NTN1: variants seen among roughly 807,000 people sequenced by gnomAD.
NTN1 encodes the protein netrin-1.
NTN1 carries 11 observed loss-of-function variants against 54.2 expected under a neutral mutation model. The observed-to-expected ratio is 0.20, with a 90% CI of 0.13 to 0.34. NTN1 has a LOEUF of 0.34. Ranked by LOEUF, NTN1 falls within the 10% of genes least tolerant of loss-of-function variation. The pLI is 1.00. For synonymous variants in NTN1, 371 were observed against 382.0 expected, an observed-to-expected ratio of 0.97 and a Z score of 0.33; for missense variants, 740 against 893.1, an observed-to-expected ratio of 0.83 and a Z score of 2.18.
chr17:9,178,326 C>A (rs1350917500), intron 3 of NTN1, among the ~76,000 whole-genome samples: 1 of 152,354 alleles, frequency 6.6e-6, no homozygotes, highest in Non-Finnish European at 1.5e-5. Flanking sequence ...TGCCCCCACC[C>A]TCCTCCCACC....
chr17:9,056,353 G>T (rs1214965512), intron 2 of NTN1, among the ~76,000 whole-genome samples: 1 of 152,196 alleles, frequency 6.6e-6, no homozygotes, highest in Non-Finnish European at 1.5e-5. Flanking sequence ...CACTGTGCCC[G>T]GCTGAGTGCC....
At chr17:9,049,255 A>G (rs1168997718) in intron 2 of NTN1, among the ~76,000 whole-genome samples, 1 of 152,264 alleles carries the variant, frequency 6.6e-6, no homozygotes, top group African/African-American at 2.4e-5. Flanking sequence ...ATATGATGAA[A>G]AATAGAATAT....
chr17:9,172,427 C>G (rs144460277), intron 3 of NTN1, among the ~76,000 whole-genome samples: 1 of 151,876 alleles, frequency 6.6e-6, no homozygotes, highest in South Asian at 2.1e-4. Context: ...TGCAGTGAGC[C>G]GAGATCACAC....
chr17:9,230,832 C>G lies in NTN1; in HGVS notation c.1487-8808C>G, dbSNP rs565032718. 3.6e-4 allele frequency among the ~76,000 whole-genome samples: 55 copies of G among 152,242 alleles called. No homozygotes were observed. In the South Asian group the frequency reaches 0.01, roughly 28 times the overall value. On this transcript the variant is annotated intron_variant, in intron 6 of 6. Transcript: ENST00000173229. ...CCCTGGAGCTTCCTCTTGTCTCTCC[C>G]GATGCTGTTTTCCTCTCCTCTGAGC...
chr17:9,200,928 G>A (rs1904764347), intron 5 of NTN1, among the ~76,000 whole-genome samples: 1 of 152,184 alleles, frequency 6.6e-6, no homozygotes, highest in Non-Finnish European at 1.5e-5. Flanking sequence ...GCGTCACTAA[G>A]AGACTGCTAA....
chr17:9,175,542 TGTTAA>T (rs1381815190), intron 3 of NTN1: 1 of 152,254 alleles, frequency 6.6e-6, no homozygotes, highest in Non-Finnish European at 1.5e-5. Flanking sequence ...AACCTTAGCC[TGTTAA>T]GTTGTAAGTC....
intron 2 of NTN1, among the ~76,000 whole-genome samples, chr17:9,066,457 T>C (rs572058242): frequency 8.6e-5 from 13 of 151,184 alleles, no homozygotes; most frequent in African/African-American, 2.7e-4. Flanking sequence ...TGAAACCCTG[T>C]CTCTACTAAA....
intron 2 of NTN1, among the ~76,000 whole-genome samples, chr17:9,044,218 T>C (rs2091933252): frequency 7.4e-6 from 1 of 134,680 alleles, no homozygotes; most frequent in South Asian, 2.6e-4. Context: ...TCCAATTTTT[T>C]TTGCTGTTTC....
intron 2 of NTN1, among the ~76,000 whole-genome samples, chr17:9,079,808 G>C (rs2092064424): frequency 6.6e-6 from 1 of 150,428 alleles, no homozygotes; most frequent in Non-Finnish European, 1.5e-5. Context: ...CCTGTTTCCT[G>C]GCCCTGGAGG....
chr17:9,091,802 C>T (rs1295024716), intron 2 of NTN1, among the ~76,000 whole-genome samples: 1 of 152,018 alleles, frequency 6.6e-6, no homozygotes, highest in Non-Finnish European at 1.5e-5. Flanking sequence ...GTACATTCAC[C>T]ATCATCACCA....
chr17:9,046,883 G>A (rs180696389), intron 2 of NTN1, among the ~76,000 whole-genome samples: 10 of 152,052 alleles, frequency 6.6e-5, no homozygotes, highest in East Asian at 1.9e-4. Context: ...CTAGATACAC[G>A]AACACACCTT....
At chr17:9,227,350 CACACTCACATCAT>C in intron 6 of NTN1, among the ~76,000 whole-genome samples, 1 of 149,378 alleles carries the variant, frequency 6.7e-6, no homozygotes, top group East Asian at 2.0e-4. Context: ...GACTATCAGT[CACACTCACATCAT>C]ACACACACCA....
intron 2 of NTN1, among the ~76,000 whole-genome samples, chr17:9,114,222 A>G (rs1310746129): frequency 1.4e-5 from 2 of 143,504 alleles, no homozygotes; most frequent in African/African-American, 5.1e-5. Context: ...TTATTTATTG[A>G]CTTAAAAGGA....
chr17:9,182,313 A>G (rs1053393053), intron 4 of NTN1, among the ~76,000 whole-genome samples: 3 of 152,218 alleles, frequency 2.0e-5, no homozygotes, highest in Non-Finnish European at 1.5e-5. Flanking sequence ...AGAATAATCA[A>G]AACGATCACA....
intron 2 of NTN1, among the ~76,000 whole-genome samples, chr17:9,158,099 C>G (rs2092348288): frequency 6.6e-6 from 1 of 152,188 alleles, no homozygotes; most frequent in Admixed American, 6.5e-5. Flanking sequence ...CTGTAAAATA[C>G]TTTGCAGAAG....
chr17:9,034,157 T>A (rs2151510803), intron 2 of NTN1, among the ~76,000 whole-genome samples: 1 of 152,200 alleles, frequency 6.6e-6, no homozygotes, highest in East Asian at 1.9e-4. Context: ...TGCCTTGGTG[T>A]CCTGGGGGCC....
intron 2 of NTN1, among the ~76,000 whole-genome samples, chr17:9,101,334 C>G (rs1033507535): frequency 6.6e-6 from 1 of 152,294 alleles, no homozygotes; most frequent in African/African-American, 2.4e-5. Context: ...CAAGACCAGA[C>G]GTGGGTTACT....
At chr17:9,172,110 A>G (rs919330785) in intron 3 of NTN1, among the ~76,000 whole-genome samples, 1 of 151,772 alleles carries the variant, frequency 6.6e-6, no homozygotes, top group Non-Finnish European at 1.5e-5. Flanking sequence ...CTGGTCTCGA[A>G]CTCCCAACCT....
chr17:9,101,474 A>G (rs1284371192), intron 2 of NTN1, among the ~76,000 whole-genome samples: 1 of 152,212 alleles, frequency 6.6e-6, no homozygotes, highest in Non-Finnish European at 1.5e-5. Flanking sequence ...GCCACTGCCA[A>G]CCTTGTGACA....
Sources: allele counts gnomAD v4.1 joint callset (sites outside exome capture counted in the v4.1 genomes callset), GRCh38; gene constraint gnomAD v4.1.1; transcripts MANE v1.5; gene names NCBI Gene and HGNC (gene_info 2026-07-23, HGNC 2026-07-21).